SEPTIN11: variants seen among roughly 807,000 people sequenced by gnomAD.
The protein encoded by SEPTIN11 is septin-11.
A neutral mutation model predicts 51.4 loss-of-function variants in SEPTIN11; 25 were observed. The observed-to-expected ratio is 0.49, with a 90% CI of 0.35 to 0.68. The LOEUF (loss-of-function observed/expected upper bound fraction) is 0.68, where lower values mean the gene tolerates loss of function less well. Ranked by LOEUF, SEPTIN11 falls within the 30% of genes least tolerant of loss-of-function variation. SEPTIN11 has a pLI of 0.00. For synonymous variants in SEPTIN11, 174 were observed against 184.1 expected (o/e 0.95, Z 0.44); for missense variants, 381 against 520.8 (o/e 0.73, Z 2.61).
intron 8 of SEPTIN11, among the ~76,000 whole-genome samples, chr4:77,029,353 T>C (rs536976419): frequency 6.6e-6 from 1 of 152,296 alleles, no homozygotes; most frequent in Non-Finnish European, 1.5e-5. Context: ...TGTGTGTGTG[T>C]GTATGTGTGC....
At chr4:77,026,495 A>G (rs1320327486) in intron 7 of SEPTIN11, among the ~76,000 whole-genome samples, 1 of 152,214 alleles carries the variant, frequency 6.6e-6, no homozygotes, top group African/African-American at 2.4e-5. Context: ...AGTGTATGCA[A>G]CAAAATGTGC....
intron 1 of SEPTIN11, among the ~76,000 whole-genome samples, chr4:76,963,958 C>G (rs1307077628): frequency 6.6e-6 from 1 of 152,132 alleles, no homozygotes; most frequent in Admixed American, 6.5e-5. Context: ...CTCCCCTCCC[C>G]CTACCCCACA....
chr4:76,955,581 TC>T (rs1034670006), intron 1 of SEPTIN11, among the ~76,000 whole-genome samples: 1 of 152,186 alleles, frequency 6.6e-6, no homozygotes, highest in African/African-American at 2.4e-5. Context: ...TTATATTCCA[TC>T]CACCCTTTGC....
chr4:77,033,714 A>C (rs1423159360), intron 9 of SEPTIN11, among the ~76,000 whole-genome samples: 1 of 152,214 alleles, frequency 6.6e-6, no homozygotes, highest in Non-Finnish European at 1.5e-5. Flanking sequence ...GCCAGCAGGC[A>C]TTTGCTGGTT....
rs753454191 is a variant in SEPTIN11, at chr4:77,020,521, C to T, written c.804C>T (p.Cys268=). 1.5e-5 allele frequency: 24 copies of T among 1,613,622 alleles called. No individual in the cohort carries two copies. The highest frequency in any genetic ancestry group is 1.1e-4 in the African/African-American group (8 of 74,826). Residue 268 remains cysteine (C), a synonymous_variant, in exon 7 of 10, where the codon TGC becomes TGT. Coordinates refer to ENST00000264893, the MANE Select transcript of SEPTIN11 (RefSeq NM_018243.4). ...TTGTAGTTGAGAATGAAAATCATTG[C>T]GATTTTGTGAAACTTCGAGAGATGC... The part of the protein sequence containing the change: ...GVVQVENENH[C]DFVKLREMLI...
At chr4:76,975,123 AAAG>A (rs1489543771) in intron 1 of SEPTIN11, among the ~76,000 whole-genome samples, 5 of 148,376 alleles carry the variant, frequency 3.4e-5, no homozygotes, top group Admixed American at 6.8e-5. Context: ...CAAAAAAAAA[AAAG>A]AAGAAAAAAG....
rs1727118702 is a variant in SEPTIN11 at position 77,037,542 on chromosome 4, A to AT, written c.*3036dup. On this transcript the variant is annotated 3_prime_UTR_variant, in exon 10 of 10. Coordinates refer to ENST00000264893, the MANE Select transcript of SEPTIN11 (RefSeq NM_018243.4). Reference sequence around the variant, plus strand: ...GCTAGGATGCCTTTATGACCACTTAATTTTTTAATCTTAGTTTAATGGTCT... The same window carrying AT: ...GCTAGGATGCCTTTATGACCACTTAATTTTTTTAATCTTAGTTTAATGGTCT... The AT allele has an allele frequency of 2.0e-5, 20 of 985,216 alleles. No homozygotes were observed. In the South Asian group the frequency reaches 8.5e-4, roughly 42 times the overall value. The allele number at this position is 985,216 out of a possible 1,614,324, so 61.0% of individuals were successfully genotyped here.
chr4:77,029,349 T>A (rs927129854), intron 8 of SEPTIN11, among the ~76,000 whole-genome samples: 1 of 152,210 alleles, frequency 6.6e-6, no homozygotes, highest in Non-Finnish European at 1.5e-5. Flanking sequence ...TGTGTGTGTG[T>A]GTGTGTATGT....
intron 1 of SEPTIN11, among the ~76,000 whole-genome samples, chr4:76,993,797 CT>C (rs1723509996): frequency 6.6e-6 from 1 of 152,178 alleles, no homozygotes; most frequent in South Asian, 2.1e-4. Flanking sequence ...AAAGATACAA[CT>C]TTAAATTTCA....
At chr4:76,992,188 C>T (rs941896461) in intron 1 of SEPTIN11, among the ~76,000 whole-genome samples, 5 of 152,172 alleles carry the variant, frequency 3.3e-5, no homozygotes, top group Admixed American at 6.5e-5. Context: ...CTACAAAAAT[C>T]ATATTTGGTC....
At chr4:77,016,591 TACAC>T (rs1160874810) in intron 5 of SEPTIN11, among the ~76,000 whole-genome samples, 1 of 122,772 alleles carries the variant, frequency 8.1e-6, no homozygotes, top group East Asian at 2.3e-4. Flanking sequence ...AGCATATATA[TACAC>T]ACACATATAT....
intron 2 of SEPTIN11, among the ~76,000 whole-genome samples, chr4:77,004,243 G>C (rs1276612882): frequency 6.6e-6 from 1 of 152,158 alleles, no homozygotes; most frequent in Non-Finnish European, 1.5e-5. Context: ...ACTCTGCTTT[G>C]CACATGGGAG....
chr4:77,039,285 C>A, downstream of SEPTIN11: 1 of 1,102,946 alleles, frequency 9.1e-7, no homozygotes, highest in Non-Finnish European at 1.1e-6. Context: ...AAGTGACTTA[C>A]CACTACCAAA....
intron 4 of SEPTIN11, among the ~76,000 whole-genome samples, chr4:77,014,368 T>C (rs557067646): frequency 2.0e-5 from 3 of 152,316 alleles, no homozygotes; most frequent in Admixed American, 6.5e-5. Context: ...TTTGCTGTTA[T>C]ACTGTTAGGA....
At position 77,005,563 on chromosome 4, in the gene SEPTIN11, T is replaced by C. The variant is rs776982585; in HGVS notation, c.143-38T>C. 8 of 1,561,866 alleles carry C rather than the reference T, an allele frequency of 5.1e-6. No homozygotes were observed. The East Asian group carries it at 6.8e-5, about 13-fold the overall frequency. ...GAATTGAACTGATGTCTGAGAGACA[T>C]TGACACATTCTCTGATTTTTCTTTT... On this transcript the variant is annotated intron_variant, in intron 2 of 9. Transcript: ENST00000264893.
At position 77,014,923 on chromosome 4, in the gene SEPTIN11, G is replaced by A; in HGVS notation, c.593G>A (p.Ser198Asn). The A allele has an allele frequency of 1.2e-6, 2 of 1,614,118 alleles. No homozygotes were observed. Among genetic ancestry groups the A allele is most frequent in the Non-Finnish European group, 1.7e-6 (2 of 1,179,974 alleles). The change falls in exon 5 of 10, where the codon AGT becomes AAT. Residue 198 changes from serine to asparagine, a missense_variant. Ser to Asn is a conservative substitution (Grantham distance 46). Coordinates refer to ENST00000264893, the MANE Select transcript of SEPTIN11 (RefSeq NM_018243.4). Reference protein sequence around the residue: ...IAKNELHKFKSKIMSELVSNG... With the variant: ...IAKNELHKFKNKIMSELVSNG... Reference sequence around the variant, plus strand: ...AAGAATGAACTGCACAAATTCAAGAGTAAGATCATGAGTGAACTGGTCAGC... The same window carrying A: ...AAGAATGAACTGCACAAATTCAAGAATAAGATCATGAGTGAACTGGTCAGC...
At position 76,995,753 on chromosome 4, in the gene SEPTIN11, A is replaced by G. The variant is rs188440014; in HGVS notation, c.28-672A>G. 8.0e-5 allele frequency: 115 copies of G among 1,444,764 alleles called. No homozygotes were observed. The African/African-American group carries it at 1.6e-3, about 20-fold the overall frequency. The allele number at this position is 1,444,764 out of a possible 1,614,324, so 89.5% of individuals were successfully genotyped here. On this transcript the variant is annotated intron_variant, in intron 1 of 9. Coordinates refer to ENST00000264893, the MANE Select transcript of SEPTIN11 (RefSeq NM_018243.4). Reference sequence around the variant, plus strand: ...TTCCAGCCATATCCTATGTGATTTTAAAATGTATGATAACTACCTTACCCT... The same window carrying G: ...TTCCAGCCATATCCTATGTGATTTTGAAATGTATGATAACTACCTTACCCT...
chr4:77,036,085 T>C lies in SEPTIN11; in HGVS notation c.*1573T>C. ...AGCAAAGATTTTTTCTCCTTTTCTT[T>C]GTCCTCAACCATACTTAGAGGAAAG... On this transcript the variant is annotated 3_prime_UTR_variant, in exon 10 of 10. Transcript: ENST00000264893. The C allele has an allele frequency of 1.0e-6, 1 of 985,926 alleles. No individual in the cohort carries two copies. Among genetic ancestry groups the C allele is most frequent in the Non-Finnish European group, 1.2e-6 (1 of 829,976 alleles). The allele number at this position is 985,926 out of a possible 1,614,324, so 61.1% of individuals were successfully genotyped here.
chr4:76,988,238 T>C (rs990641725), intron 1 of SEPTIN11, among the ~76,000 whole-genome samples: 4 of 152,248 alleles, frequency 2.6e-5, no homozygotes, highest in Non-Finnish European at 4.4e-5. Context: ...GTTATAAGGC[T>C]ACACAGCATC....
Sources: allele counts gnomAD v4.1 joint callset (sites outside exome capture counted in the v4.1 genomes callset), GRCh38; gene constraint gnomAD v4.1.1; transcripts MANE v1.5; gene names NCBI Gene and HGNC (gene_info 2026-07-23, HGNC 2026-07-21).